Variants in BORCS5 observed in about 807,000 individuals in gnomAD.
The protein encoded by BORCS5 is BLOC-1-related complex subunit 5.
Under a neutral mutation model 22.1 loss-of-function variants are expected in BORCS5, and 17 were observed. The observed-to-expected ratio is 0.77, with a 90% CI of 0.53 to 1.15. The LOEUF (loss-of-function observed/expected upper bound fraction) is 1.15, where lower values mean the gene tolerates loss of function less well. BORCS5 is among the 50% of genes most tolerant of loss of function. The pLI, the probability that BORCS5 is intolerant of heterozygous loss-of-function variation, is 0.00. For missense variants in BORCS5, 247 were observed against 253.2 expected (o/e 0.98, Z 0.17); for synonymous variants, 117 against 99.8 (o/e 1.17, Z -1.03).
chr12:12,396,376 C>G (rs1941344758), intron 2 of BORCS5, among the ~76,000 whole-genome samples: 1 of 152,206 alleles, frequency 6.6e-6, no homozygotes, highest in African/African-American at 2.4e-5. Flanking sequence ...TGCTCCCTAG[C>G]CTAGCATCCG....
intron 2 of BORCS5, among the ~76,000 whole-genome samples, chr12:12,377,800 AAAGTAGGACAGTTAC>A (rs1435511359): frequency 6.6e-6 from 1 of 152,172 alleles, no homozygotes; most frequent in African/African-American, 2.4e-5. Context: ...TAGAGATGCA[AAAGTAGGACAGTTAC>A]AAGTGAAGAA....
intron 3 of BORCS5, among the ~76,000 whole-genome samples, chr12:12,464,587 C>T (rs1943165836): frequency 6.6e-6 from 1 of 152,050 alleles, no homozygotes; most frequent in Non-Finnish European, 1.5e-5. Context: ...CTGTTTTCTC[C>T]TGGCCTGGGA....
At chr12:12,463,912 G>A (rs1943154175) in intron 3 of BORCS5, among the ~76,000 whole-genome samples, 1 of 152,158 alleles carries the variant, frequency 6.6e-6, no homozygotes, top group Admixed American at 6.5e-5. Flanking sequence ...GTCTGGTAGG[G>A]TTGCGGGGTG....
intron 2 of BORCS5, among the ~76,000 whole-genome samples, chr12:12,377,112 A>G (rs890399935): frequency 2.0e-5 from 3 of 151,832 alleles, no homozygotes; most frequent in Admixed American, 6.6e-5. Flanking sequence ...TTTTCAGTCT[A>G]TCTCTGTACT....
intron 2 of BORCS5, among the ~76,000 whole-genome samples, chr12:12,415,088 C>T (rs1484997977): frequency 8.0e-5 from 12 of 150,684 alleles, no homozygotes; most frequent in African/African-American, 2.9e-4. Context: ...CAGAGAGGCT[C>T]CTCATATCCC....
chr12:12,409,004 G>A (rs977055510), intron 2 of BORCS5, among the ~76,000 whole-genome samples: 1 of 151,924 alleles, frequency 6.6e-6, no homozygotes, highest in Admixed American at 6.6e-5. Context: ...ATTTTTTGAG[G>A]AACCACCACA....
rs1357312246 is a variant in BORCS5 at position 12,469,131 on chromosome 12, T to C, written c.*3355T>C. On this transcript the variant is annotated 3_prime_UTR_variant, in exon 4 of 4. Transcript: ENST00000314565. ...ACTTTGGGAGGCCGAGACGAGTGGA[T>C]CACCTGAGGTCAGGAGTTCCAGACC... 2.0e-5 allele frequency: 3 copies of C among 152,148 alleles called. 1 individual carries two copies. Among genetic ancestry groups the C allele is most frequent in the Non-Finnish European group, 4.4e-5 (3 of 68,050 alleles). 9.4% of individuals were successfully genotyped at this position (152,148 alleles called of 1,614,324 possible).
At chr12:12,365,655 C>G (rs954376207) in intron 2 of BORCS5, among the ~76,000 whole-genome samples, 1 of 151,436 alleles carries the variant, frequency 6.6e-6, no homozygotes, top group Non-Finnish European at 1.5e-5. Flanking sequence ...CTTGTGAAGA[C>G]GAAACATCTT....
At chr12:12,438,224 G>A (rs1197066967) in intron 3 of BORCS5, among the ~76,000 whole-genome samples, 1 of 151,922 alleles carries the variant, frequency 6.6e-6, no homozygotes, top group Non-Finnish European at 1.5e-5. Flanking sequence ...AGCCAGGTGT[G>A]ATGGTGCATG....
intron 2 of BORCS5, among the ~76,000 whole-genome samples, chr12:12,365,089 A>G (rs116910737): frequency 1.3e-5 from 2 of 152,328 alleles, no homozygotes; most frequent in Non-Finnish European, 2.9e-5. Flanking sequence ...GCCACCAACT[A>G]TTATGTTGTC....
chr12:12,444,530 G>A (rs1208464228), intron 3 of BORCS5, among the ~76,000 whole-genome samples: 1 of 152,148 alleles, frequency 6.6e-6, no homozygotes, highest in African/African-American at 2.4e-5. Flanking sequence ...TCAATTACAT[G>A]GCCACAGCTA....
At chr12:12,412,510 T>C (rs1278962593) in intron 2 of BORCS5, among the ~76,000 whole-genome samples, 1 of 152,220 alleles carries the variant, frequency 6.6e-6, no homozygotes, top group African/African-American at 2.4e-5. Context: ...TTAGTTCTGA[T>C]AGTATTTTTG....
At position 12,457,391 on chromosome 12, in the gene BORCS5, C is replaced by T. The variant is rs149361014; in HGVS notation, c.361-8155C>T. ...TAGTTAGAAAACTGGAATGTTTGGCCGGGCGCGGTGGCTCACGCCGGTAAT... is the reference window on the plus strand; with the variant it reads ...TAGTTAGAAAACTGGAATGTTTGGCTGGGCGCGGTGGCTCACGCCGGTAAT... On this transcript the variant is annotated intron_variant, in intron 3 of 3. Coordinates refer to ENST00000314565, the MANE Select transcript of BORCS5 (RefSeq NM_058169.6). Among the ~76,000 whole-genome samples, 472 of 152,316 alleles carry T rather than the reference C, an allele frequency of 3.1e-3. 4 individuals carry two copies. The highest frequency in any genetic ancestry group is 0.011 in the African/African-American group (438 of 41,568).
chr12:12,413,124 T>TTTTTTTTTTTTTG (rs1941787804), intron 2 of BORCS5, among the ~76,000 whole-genome samples: 1 of 97,026 alleles, frequency 1.0e-5, no homozygotes, highest in Non-Finnish European at 2.1e-5. Context: ...TTTTTTTTTT[T>TTTTTTTTTTTTTG]TTTATTGATC....
chr12:12,462,801 C>T (rs1202469140), intron 3 of BORCS5, among the ~76,000 whole-genome samples: 1 of 152,084 alleles, frequency 6.6e-6, no homozygotes, highest in African/African-American at 2.4e-5. Context: ...GGACTATAGG[C>T]GCACACTGCC....
intron 2 of BORCS5, among the ~76,000 whole-genome samples, chr12:12,417,692 G>C (rs56701819): frequency 0.3 from 45,918 of 152,006 alleles, 8,207 homozygotes; most frequent in African/African-American, 0.51. Context: ...GTCTAACTCT[G>C]TCACCCAGGC....
intron 2 of BORCS5, among the ~76,000 whole-genome samples, chr12:12,420,947 G>T (rs142754069): frequency 0.071 from 10,812 of 152,166 alleles, 568 homozygotes; most frequent in East Asian, 0.23. Flanking sequence ...AGGAGATTTG[G>T]GGCTGAGATG....
At chr12:12,361,138 C>A in intron 1 of BORCS5, 68 bp from the exon 2 acceptor site, 1 of 1,516,192 alleles carries the variant, frequency 6.6e-7, no homozygotes, top group Non-Finnish European at 9.1e-7. Context: ...ATCACTACAC[C>A]AAAAACTGCT....
intron 2 of BORCS5, among the ~76,000 whole-genome samples, chr12:12,374,376 T>C (rs961963828): frequency 2.0e-5 from 3 of 152,026 alleles, no homozygotes; most frequent in Non-Finnish European, 4.4e-5. Context: ...CTCATGCTTC[T>C]AATTCCAGCA....
Sources: gnomAD v4.1 joint callset for allele counts (sites outside exome capture counted in the v4.1 genomes callset) on GRCh38, gnomAD v4.1.1 for gene constraint, MANE v1.5 for transcripts, NCBI Gene and HGNC (gene_info 2026-07-23, HGNC 2026-07-21) for gene names.